The following FHIP1A variants were observed in gnomAD, a reference collection of about 807,000 sequenced individuals.
FHIP1A encodes the protein FHF complex subunit HOOK-interacting protein 1A.
A neutral mutation model predicts 88.6 loss-of-function variants in FHIP1A; 61 were observed. The observed-to-expected ratio is 0.69, with a 90% CI of 0.56 to 0.85. The LOEUF is 0.85. Among genes scored for constraint, FHIP1A ranks in the 40% least tolerant of loss-of-function variants. The probability of loss-of-function intolerance (pLI) is 0.00; values close to 1 mark genes in which losing one functional copy is unlikely to be tolerated. For missense variants in FHIP1A, 1,154 were observed against 1,273.5 expected, an observed-to-expected ratio of 0.91 and a Z score of 1.43; for synonymous variants, 478 against 496.0, an observed-to-expected ratio of 0.96 and a Z score of 0.48.
intron 3 of FHIP1A, among the ~76,000 whole-genome samples, chr4:151,548,558 C>T (rs1560761535): frequency 6.6e-6 from 1 of 152,212 alleles, no homozygotes; most frequent in Admixed American, 6.5e-5. Context: ...AAAGTGACCT[C>T]TGGTGGTCCT....
At chr4:151,563,762 G>C (rs1008874311) in intron 3 of FHIP1A, among the ~76,000 whole-genome samples, 1 of 152,056 alleles carries the variant, frequency 6.6e-6, no homozygotes, top group South Asian at 2.1e-4. Flanking sequence ...AGCCAAAACG[G>C]GAGGATTGCT....
chr4:151,479,755 A>C (rs1434814753), intron 2 of FHIP1A, among the ~76,000 whole-genome samples: 1 of 152,028 alleles, frequency 6.6e-6, no homozygotes, highest in Non-Finnish European at 1.5e-5. Context: ...ACCCCAACAA[A>C]GTGTTCATTT....
At chr4:151,449,874 A>G (rs1022220058) in intron 1 of FHIP1A, among the ~76,000 whole-genome samples, 2 of 152,186 alleles carry the variant, frequency 1.3e-5, no homozygotes, top group Non-Finnish European at 2.9e-5. Context: ...AAGGTTTACA[A>G]TGTATTTTTT....
rs78256660 is a variant in FHIP1A at position 151,459,758 on chromosome 4, C to G, written c.-248+4950C>G. ...ATTTACCTTCAGTGTTGGTTTGCGA[C>G]AGAAGCAAGAAACCAGAACAGTGGC... On this transcript the variant is annotated intron_variant, in intron 2 of 13. Coordinates refer to ENST00000435205, the MANE Select transcript of FHIP1A (RefSeq NM_001109977.3). Among the ~76,000 whole-genome samples the G allele has an allele frequency of 3.1e-3, 479 of 152,280 alleles. 2 individuals are homozygous for G. Among genetic ancestry groups the G allele is most frequent in the African/African-American group, 0.011 (459 of 41,566 alleles).
At chr4:151,528,007 C>A (rs887439314) in intron 3 of FHIP1A, among the ~76,000 whole-genome samples, 8 of 152,132 alleles carry the variant, frequency 5.3e-5, no homozygotes, top group African/African-American at 1.9e-4. Context: ...GAAGCCCAAG[C>A]GTTATCTCAG....
chr4:151,474,222 A>C (rs1037774232), intron 2 of FHIP1A, among the ~76,000 whole-genome samples: 3 of 152,184 alleles, frequency 2.0e-5, no homozygotes, highest in African/African-American at 4.8e-5. Context: ...TTGGAAAATG[A>C]TTTTATTTAC....
intron 7 of FHIP1A, among the ~76,000 whole-genome samples, chr4:151,598,910 T>C (rs1356522533): frequency 6.6e-6 from 1 of 152,230 alleles, no homozygotes; most frequent in Non-Finnish European, 1.5e-5. Context: ...TTTAACTCAC[T>C]TGTGTTAATA....
intron 7 of FHIP1A, among the ~76,000 whole-genome samples, chr4:151,589,638 A>G (rs1734348825): frequency 2.0e-5 from 3 of 152,326 alleles, no homozygotes; most frequent in Middle Eastern, 3.4e-3. Flanking sequence ...AGAAGCAAAG[A>G]GCAACTTGAT....
intron 2 of FHIP1A, among the ~76,000 whole-genome samples, chr4:151,479,529 C>G (rs926526679): frequency 6.6e-6 from 1 of 152,096 alleles, no homozygotes; most frequent in African/African-American, 2.4e-5. Context: ...TCATAGTCAG[C>G]TTCATGTGTT....
intron 1 of FHIP1A, among the ~76,000 whole-genome samples, chr4:151,439,742 T>G (rs768211593): frequency 6.6e-6 from 1 of 152,226 alleles, no homozygotes; most frequent in Non-Finnish European, 1.5e-5. Context: ...CTTTAGAATT[T>G]TAGAACTGGA....
chr4:151,480,177 T>C lies in FHIP1A; in HGVS notation c.-247-2347T>C, dbSNP rs868148010. Among the ~76,000 whole-genome samples, 7 of 152,146 alleles carry C rather than the reference T, an allele frequency of 4.6e-5. No homozygotes were observed. In the South Asian group the frequency reaches 1.0e-3, roughly 22 times the overall value. On this transcript the variant is annotated intron_variant, in intron 2 of 13. Transcript: ENST00000435205. The stretch of plus-strand genomic sequence containing the variant: ...TTGCTTTCGATGTCATTCTGTGCAT[T>C]ACTGTCAAAGGACTCGGCTTCCTTT...
At chr4:151,533,502 G>A (rs1731959181) in intron 3 of FHIP1A, among the ~76,000 whole-genome samples, 1 of 152,146 alleles carries the variant, frequency 6.6e-6, no homozygotes, top group South Asian at 2.1e-4. Context: ...AATTTTGTAG[G>A]CATCTAGAAA....
intron 3 of FHIP1A, among the ~76,000 whole-genome samples, chr4:151,538,773 G>A (rs970079837): frequency 5.3e-5 from 8 of 152,176 alleles, no homozygotes. Context: ...GCGGATGTGA[G>A]ACCATAGAAT....
rs564671344 is a variant in FHIP1A at position 151,476,161 on chromosome 4, A to ATTT, written c.-247-6346_-247-6344dup. On this transcript the variant is annotated intron_variant, in intron 2 of 13. Transcript: ENST00000435205. ...AGGCATGAGACACTGTGCTCGGCCG[A>ATTT]TTTTTTTTTTTTTTTTTTTGCCCAG... Among the ~76,000 whole-genome samples, 449 of 111,480 alleles carry ATTT rather than the reference A, an allele frequency of 4.0e-3. 13 individuals carry two copies. The highest frequency in any genetic ancestry group is 5.6e-3 in the Non-Finnish European group (317 of 56,760). 73.1% of individuals were successfully genotyped at this position (111,480 alleles called of 152,430 possible).
intron 3 of FHIP1A, among the ~76,000 whole-genome samples, chr4:151,551,813 C>G (rs1379579459): frequency 6.6e-6 from 1 of 152,122 alleles, no homozygotes; most frequent in African/African-American, 2.4e-5. Context: ...GCAATGGCAA[C>G]AAAAGACAAA....
chr4:151,578,943 A>G (rs766961708), intron 5 of FHIP1A, among the ~76,000 whole-genome samples: 3 of 152,250 alleles, frequency 2.0e-5, no homozygotes, highest in Non-Finnish European at 4.4e-5. Context: ...GTAAGCCATG[A>G]ATAGATATGG....
chr4:151,478,087 G>A (rs1729769370), intron 2 of FHIP1A, among the ~76,000 whole-genome samples: 1 of 151,968 alleles, frequency 6.6e-6, no homozygotes, highest in African/African-American at 2.4e-5. Context: ...GTTTATAATG[G>A]CTAAAGGTTG....
chr4:151,452,173 A>C (rs904754187), intron 1 of FHIP1A, among the ~76,000 whole-genome samples: 2 of 152,168 alleles, frequency 1.3e-5, no homozygotes, highest in African/African-American at 4.8e-5. Context: ...TGTTATTAGT[A>C]AGCTTTGTGA....
chr4:151,487,867 T>C (rs1288420275), intron 3 of FHIP1A, among the ~76,000 whole-genome samples: 1 of 152,252 alleles, frequency 6.6e-6, no homozygotes, highest in Non-Finnish European at 1.5e-5. Flanking sequence ...CATGTAGTCC[T>C]AATTACTGTG....
Sources: allele counts gnomAD v4.1 joint callset (sites outside exome capture counted in the v4.1 genomes callset), GRCh38; gene constraint gnomAD v4.1.1; transcripts MANE v1.5; gene names NCBI Gene and HGNC (gene_info 2026-07-23, HGNC 2026-07-21).